The following COL9A1 variants were observed in gnomAD, a reference collection of about 807,000 sequenced individuals.
COL9A1 encodes the protein collagen type IX alpha 1 chain, also known as collagen alpha-1(IX) chain.
COL9A1 carries 104 observed loss-of-function variants against 142.6 expected under a neutral mutation model. That is an observed-to-expected ratio of 0.73 (90% CI 0.62 to 0.86). The LOEUF (loss-of-function observed/expected upper bound fraction) is 0.86, where lower values mean the gene tolerates loss of function less well. COL9A1 is among the 40% of genes least tolerant of loss of function. The probability of loss-of-function intolerance (pLI) is 0.00; values close to 1 mark genes in which losing one functional copy is unlikely to be tolerated. For missense variants in COL9A1, 1,210 were observed against 1,176.6 expected, an observed-to-expected ratio of 1.03 and a Z score of -0.42; for synonymous variants, 466 against 396.0, an observed-to-expected ratio of 1.18 and a Z score of -2.10.
chr6:70,269,645 A>G lies in COL9A1; in HGVS notation c.1218T>C (p.Asp406=), dbSNP rs909640170. ...GAAAGCATCTTACCAATGGATCTCC[A>G]TCATGAAAGCCAATTGTTCCCTAAA... ...PGPRGTIGFH[D]GDPLCPNACP... is the part of the protein sequence containing the mutation. Residue 406 remains aspartate (D), a synonymous_variant, in exon 16 of 38, where the codon GAT becomes GAC. Transcript: ENST00000357250. 6.3e-7 allele frequency: 1 copy of G among 1,593,806 alleles called. No homozygotes were observed. The highest frequency in any genetic ancestry group is 1.1e-5 in the South Asian group (1 of 90,718).
rs202160267 is a variant in COL9A1, at chr6:70,241,470, T to C, written c.1999-16A>G. 16 of 1,604,172 alleles carry C rather than the reference T, an allele frequency of 1.0e-5. No homozygotes were observed. In the African/African-American group the frequency reaches 1.6e-4, roughly 16 times the overall value. ...CGACTACACCCTGTAATAAATAAAATATAATACTTTTTCAGTATTTTCAAC... is the reference window on the plus strand; with the variant it reads ...CGACTACACCCTGTAATAAATAAAACATAATACTTTTTCAGTATTTTCAAC... On this transcript the variant is annotated splice_polypyrimidine_tract_variant and intron_variant, in intron 30 of 37. Transcript: ENST00000357250.
chr6:70,275,015 T>C, intron 10 of COL9A1: 1 of 526,778 alleles, frequency 1.9e-6, no homozygotes, highest in South Asian at 2.3e-5. Flanking sequence ...GCTAACTGCA[T>C]TGTTTATCAC....
chr6:70,256,124 G>A (rs510423), intron 21 of COL9A1, among the ~76,000 whole-genome samples: 51,756 of 151,930 alleles, frequency 0.34, 9,306 homozygotes, highest in Non-Finnish European at 0.39. Flanking sequence ...TTTCCTGCCC[G>A]TAGGCTTTCA....
intron 35 of COL9A1, 119 bp downstream of exon 35, chr6:70,234,420 G>A: frequency 1.0e-6 from 1 of 987,356 alleles, no homozygotes; most frequent in Non-Finnish European, 1.6e-6. Flanking sequence ...TACCCTAAAT[G>A]TCCTATCTTT....
intron 37 of COL9A1, among the ~76,000 whole-genome samples, chr6:70,218,802 T>C (rs491690): frequency 0.056 from 8,512 of 152,204 alleles, 802 homozygotes; most frequent in African/African-American, 0.19. Flanking sequence ...TAACATCTCA[T>C]TCTTCCTCTG....
At chr6:70,261,697 G>A (rs999757040) in intron 19 of COL9A1, among the ~76,000 whole-genome samples, 7 of 152,140 alleles carry the variant, frequency 4.6e-5, no homozygotes, top group East Asian at 1.9e-4. Flanking sequence ...TTAGAATATC[G>A]AGTGAGATGT....
At chr6:70,242,280 CT>C in intron 29 of COL9A1, 2 of 586,400 alleles carry the variant, frequency 3.4e-6, no homozygotes, top group Non-Finnish European at 3.0e-6. Context: ...CAACAGTAGG[CT>C]TTTTCAGTCA....
At chr6:70,277,403 C>A (rs1772840288) in intron 10 of COL9A1, among the ~76,000 whole-genome samples, 1 of 150,626 alleles carries the variant, frequency 6.6e-6, no homozygotes, top group Non-Finnish European at 1.5e-5. Flanking sequence ...ATATACAGAC[C>A]ACACACATAA....
Position 70,241,874 on chromosome 6 carries a change from C to T in COL9A1, c.1998+90G>A, listed in dbSNP as rs1288881295. ...TGTTTATGATAAATTCTAGAAAATT[C>T]TCCACAGGGCCAAAAGCAAGCTTTG... On this transcript the variant is annotated intron_variant, in intron 30 of 37. Coordinates refer to ENST00000357250, the MANE Select transcript of COL9A1 (RefSeq NM_001851.6). 38 of 1,164,026 alleles carry T rather than the reference C, an allele frequency of 3.3e-5. No individual in the cohort carries two copies. In the South Asian group the frequency reaches 3.6e-4, roughly 11 times the overall value. 72.1% of individuals were successfully genotyped at this position (1,164,026 alleles called of 1,614,324 possible).
chr6:70,297,884 C>T (rs1253480442), intron 4 of COL9A1, among the ~76,000 whole-genome samples: 1 of 131,572 alleles, frequency 7.6e-6, no homozygotes, highest in Non-Finnish European at 1.5e-5. Context: ...TCTCTTAAGT[C>T]TTTCAAAAAA....
chr6:70,256,922 G>A (rs1771340489), intron 20 of COL9A1, 101 bp from the exon 21 acceptor site: 22 of 1,122,114 alleles, frequency 2.0e-5, no homozygotes, highest in Admixed American at 5.9e-5. Context: ...ATGAAAAGGA[G>A]GTTTTGTGCC....
intron 36 of COL9A1, among the ~76,000 whole-genome samples, chr6:70,229,847 G>T (rs1433527165): frequency 6.6e-6 from 1 of 152,076 alleles, no homozygotes; most frequent in African/African-American, 2.4e-5. Context: ...CCTAAGCTTT[G>T]ACTATGATTT....
intron 29 of COL9A1, 125 bp from the exon 30 acceptor site, chr6:70,242,160 T>A: frequency 2.4e-6 from 2 of 826,166 alleles, no homozygotes; most frequent in Non-Finnish European, 4.1e-6. Flanking sequence ...GGTTGAACTC[T>A]GCTTCTTGGG....
At chr6:70,247,124 A>G (rs542107113) in intron 28 of COL9A1, among the ~76,000 whole-genome samples, 1 of 152,300 alleles carries the variant, frequency 6.6e-6, no homozygotes, top group Admixed American at 6.5e-5. Flanking sequence ...CAAATCCCCC[A>G]AGTCTGTTTA....
chr6:70,263,352 A>G, intron 18 of COL9A1, 55 bp from the exon 19 acceptor site: 1 of 1,486,630 alleles, frequency 6.7e-7, no homozygotes, highest in Non-Finnish European at 9.3e-7. Context: ...TAGCAAACGA[A>G]CATAGAAATA....
chr6:70,279,833 CT>C (rs1318959045), intron 10 of COL9A1: 2 of 487,448 alleles, frequency 4.1e-6, no homozygotes, highest in Non-Finnish European at 7.5e-6. Context: ...GTCAAAAATT[CT>C]TGGAAATCAT....
chr6:70,294,288 G>A lies in COL9A1; in HGVS notation c.575C>T (p.Ala192Val), dbSNP rs2127604996. 1.2e-6 allele frequency: 2 copies of A among 1,613,986 alleles called. No homozygotes were observed. Among genetic ancestry groups the A allele is most frequent in the East Asian group, 2.2e-5 (1 of 44,872 alleles). ...KIMIGVERSS[A>V]TLFVDCNRIE... ...CCTGTTGCAGTCAACAAAAAGAGTAGCACTACTCCTCTCCACGCCAATCAT... is the reference window on the plus strand; with the variant it reads ...CCTGTTGCAGTCAACAAAAAGAGTAACACTACTCCTCTCCACGCCAATCAT... The change falls in exon 5 of 38, where the codon GCT becomes GTT. Residue 192 changes from alanine (A) to valine (V), a missense_variant. Ala to Val is a moderately conservative substitution (Grantham distance 64). Coordinates refer to ENST00000357250, the MANE Select transcript of COL9A1 (RefSeq NM_001851.6).
At chr6:70,240,286 T>C (rs1364239395) in intron 32 of COL9A1, among the ~76,000 whole-genome samples, 1 of 152,210 alleles carries the variant, frequency 6.6e-6, no homozygotes, top group Non-Finnish European at 1.5e-5. Flanking sequence ...GCTTTCTAAC[T>C]ATAATAAAAC....
intron 8 of COL9A1, 104 bp downstream of exon 8, chr6:70,281,286 C>A: frequency 8.9e-7 from 1 of 1,122,152 alleles, no homozygotes; most frequent in Non-Finnish European, 1.3e-6. Context: ...GAAGGGGAGA[C>A]CCTGGTCCTC....
Sources: gnomAD v4.1 joint callset for allele counts (sites outside exome capture counted in the v4.1 genomes callset) on GRCh38, gnomAD v4.1.1 for gene constraint, MANE v1.5 for transcripts, NCBI Gene and HGNC (gene_info 2026-07-23, HGNC 2026-07-21) for gene names.